Variants in DNER observed in about 807,000 individuals in gnomAD.
The protein encoded by DNER is delta/notch like EGF repeat containing.
In DNER, 33 loss-of-function variants were observed where a neutral mutation model predicts 78.2. The observed-to-expected ratio is 0.42, with a 90% CI of 0.32 to 0.56. The LOEUF is 0.56. Among genes scored for constraint, DNER ranks in the 20% least tolerant of loss-of-function variants. The pLI is 0.11. For missense variants in DNER, 918 were observed against 975.3 expected (o/e 0.94, Z 0.78); for synonymous variants, 417 against 384.8 (o/e 1.08, Z -0.98).
intron 8 of DNER, among the ~76,000 whole-genome samples, chr2:229,418,630 G>A (rs184102075): frequency 1.2e-3 from 184 of 152,136 alleles, no homozygotes; most frequent in African/African-American, 4.1e-3. Flanking sequence ...AACCTGGCTC[G>A]GTGTGGTGGC....
intron 2 of DNER, among the ~76,000 whole-genome samples, chr2:229,589,896 C>A (rs1559175474): frequency 2.5e-5 from 3 of 118,360 alleles, no homozygotes; most frequent in African/African-American, 3.2e-5. Flanking sequence ...CCTTCATAAG[C>A]TGTGTGGTAA....
At chr2:229,615,411 T>C (rs1193468210) in intron 1 of DNER, among the ~76,000 whole-genome samples, 2 of 116,560 alleles carry the variant, frequency 1.7e-5, no homozygotes, top group South Asian at 2.8e-4. Flanking sequence ...AACTCCGTCT[T>C]AAAAAAAAAA....
At chr2:229,604,331 A>G (rs768288634) in intron 1 of DNER, among the ~76,000 whole-genome samples, 4 of 152,258 alleles carry the variant, frequency 2.6e-5, no homozygotes, top group Non-Finnish European at 5.9e-5. Flanking sequence ...AACCAGGCAC[A>G]TAGTAGGCTC....
intron 1 of DNER, among the ~76,000 whole-genome samples, chr2:229,595,948 T>C (rs1697705441): frequency 6.6e-6 from 1 of 152,168 alleles, no homozygotes; most frequent in Non-Finnish European, 1.5e-5. Context: ...TACCTGGGTA[T>C]ATTGCATGAT....
Position 229,459,047 on chromosome 2 carries a change from T to C in DNER, c.1262-11507A>G, listed in dbSNP as rs528016234. 4.6e-5 allele frequency among the ~76,000 whole-genome samples: 7 copies of C among 152,098 alleles called. No homozygotes were observed. In the East Asian group the frequency reaches 9.6e-4, roughly 21 times the overall value. On this transcript the variant is annotated intron_variant, in intron 7 of 12. Coordinates refer to ENST00000341772, the MANE Select transcript of DNER (RefSeq NM_139072.4). Reference sequence around the variant, plus strand: ...TCAAAAAGCATAAAATAGGATTAAATTTAACAAAAGATATGCAAGATGTCT... The same window carrying C: ...TCAAAAAGCATAAAATAGGATTAAACTTAACAAAAGATATGCAAGATGTCT...
At chr2:229,511,106 T>G (rs1041443773) in intron 6 of DNER, among the ~76,000 whole-genome samples, 1 of 152,136 alleles carries the variant, frequency 6.6e-6, no homozygotes, top group African/African-American at 2.4e-5. Flanking sequence ...TTTTATAAAT[T>G]TCTGCTTTGC....
At chr2:229,713,925 G>C (rs527538647) in intron 1 of DNER, among the ~76,000 whole-genome samples, 1 of 152,286 alleles carries the variant, frequency 6.6e-6, no homozygotes, top group Admixed American at 6.5e-5. Flanking sequence ...GGCACACCCC[G>C]AGAGCCCGGC....
chr2:229,696,300 C>T (rs879869693), intron 1 of DNER, among the ~76,000 whole-genome samples: 9 of 152,188 alleles, frequency 5.9e-5, no homozygotes, highest in Non-Finnish European at 8.8e-5. Flanking sequence ...AGTATTACAA[C>T]CCACGATGAT....
At chr2:229,421,547 T>C (rs1693763501) in intron 8 of DNER, among the ~76,000 whole-genome samples, 1 of 150,204 alleles carries the variant, frequency 6.7e-6, no homozygotes, top group African/African-American at 2.4e-5. Flanking sequence ...TCTATATCTA[T>C]ATTTTACCTA....
intron 1 of DNER, among the ~76,000 whole-genome samples, chr2:229,616,639 T>A (rs150892300): frequency 6.6e-6 from 1 of 152,272 alleles, no homozygotes; most frequent in African/African-American, 2.4e-5. Flanking sequence ...TCTATCCACT[T>A]GTGGTCATCA....
intron 1 of DNER, among the ~76,000 whole-genome samples, chr2:229,668,153 C>T (rs11677325): frequency 0.11 from 16,647 of 152,006 alleles, 1,257 homozygotes; most frequent in East Asian, 0.33. Flanking sequence ...AGACAGGAAG[C>T]GCTGACCACC....
chr2:229,618,339 G>A (rs143185438), intron 1 of DNER, among the ~76,000 whole-genome samples: 17 of 152,308 alleles, frequency 1.1e-4, no homozygotes, highest in Admixed American at 1.3e-4. Context: ...AACACCATTC[G>A]TTTGAATAAG....
chr2:229,537,113 G>A (rs1260535606), intron 5 of DNER, among the ~76,000 whole-genome samples: 5 of 151,916 alleles, frequency 3.3e-5, no homozygotes, highest in African/African-American at 1.2e-4. Flanking sequence ...AGCATCTCGG[G>A]GCCATCCCAG....
chr2:229,520,568 A>G (rs1341620344), intron 5 of DNER, among the ~76,000 whole-genome samples: 2 of 152,232 alleles, frequency 1.3e-5, no homozygotes, highest in South Asian at 2.1e-4. Flanking sequence ...GTGGTCTGCC[A>G]GTTACTCTAT....
chr2:229,636,063 C>G (rs1300836079), intron 1 of DNER, among the ~76,000 whole-genome samples: 1 of 152,056 alleles, frequency 6.6e-6, no homozygotes, highest in Admixed American at 6.5e-5. Flanking sequence ...GGATTTGAAC[C>G]CAGGCCATCT....
chr2:229,499,966 ACT>A (rs1695583632), intron 6 of DNER, among the ~76,000 whole-genome samples: 1 of 147,000 alleles, frequency 6.8e-6, no homozygotes, highest in South Asian at 2.1e-4. Flanking sequence ...ACAGAGTCTC[ACT>A]CTGTCACCCA....
intron 1 of DNER, among the ~76,000 whole-genome samples, chr2:229,652,121 G>GA (rs1480575394): frequency 2.6e-5 from 4 of 152,066 alleles, no homozygotes; most frequent in African/African-American, 7.2e-5. Flanking sequence ...AACATCAAAA[G>GA]AAAAAAGGAG....
chr2:229,674,054 A>G (rs181586676), intron 1 of DNER, among the ~76,000 whole-genome samples: 3 of 152,144 alleles, frequency 2.0e-5, no homozygotes, highest in East Asian at 1.9e-4. Flanking sequence ...CACAACCCCT[A>G]TTGGTCTCCA....
At chr2:229,605,635 G>A (rs1697919794) in intron 1 of DNER, among the ~76,000 whole-genome samples, 1 of 152,032 alleles carries the variant, frequency 6.6e-6, no homozygotes, top group Admixed American at 6.6e-5. Context: ...ATTTAACAAT[G>A]CTTGCCATGT....
Sources: allele counts gnomAD v4.1 joint callset (sites outside exome capture counted in the v4.1 genomes callset), GRCh38; gene constraint gnomAD v4.1.1; transcripts MANE v1.5; gene names NCBI Gene and HGNC (gene_info 2026-07-23, HGNC 2026-07-21).